GIPC2: variants seen among roughly 807,000 people sequenced by gnomAD.
GIPC2 encodes PDZ domain-containing protein GIPC2.
A neutral mutation model predicts 30.6 loss-of-function variants in GIPC2; 30 were observed. That is an observed-to-expected ratio of 0.98 (90% CI 0.73 to 1.33). The LOEUF (loss-of-function observed/expected upper bound fraction) is 1.33. Ranked by LOEUF, GIPC2 falls within the 40% of genes most tolerant of loss-of-function variation. GIPC2 has a pLI of 0.00. For missense variants in GIPC2, 414 were observed against 390.3 expected (o/e 1.06, Z -0.51); for synonymous variants, 167 against 150.0 (o/e 1.11, Z -0.83).
At chr1:78,074,470 A>G (rs553643413) in intron 1 of GIPC2, among the ~76,000 whole-genome samples, 1 of 152,288 alleles carries the variant, frequency 6.6e-6, no homozygotes, top group Admixed American at 6.5e-5. Context: ...CGATCCTCCC[A>G]CTTCAGCCTC....
chr1:78,118,247 C>CAAAAAAAAA (rs71810685), intron 3 of GIPC2, among the ~76,000 whole-genome samples: 1 of 34,238 alleles, frequency 2.9e-5, no homozygotes, highest in African/African-American at 1.1e-4. Context: ...AGTTTCATTG[C>CAAAAAAAAA]AAAAAAAAAA....
chr1:78,066,299 GA>G (rs1661510253), intron 1 of GIPC2, among the ~76,000 whole-genome samples: 1 of 152,116 alleles, frequency 6.6e-6, no homozygotes, highest in African/African-American at 2.4e-5. Context: ...TAACATCACT[GA>G]TCATTAGAAA....
At chr1:78,095,460 A>G (rs1662121079) in intron 3 of GIPC2, among the ~76,000 whole-genome samples, 1 of 152,176 alleles carries the variant, frequency 6.6e-6, no homozygotes, top group Non-Finnish European at 1.5e-5. Context: ...GAGCAGTAAG[A>G]TTTTTGACTG....
Position 78,134,197 on chromosome 1 carries a change from G to GAT in GIPC2, c.797-1384_797-1383dup, listed in dbSNP as rs1335772319. ...GTATTTTTATAACACCTCAATTGGA[G>GAT]ATATATATATATTTCCAGTGATATC... is the stretch of plus-strand genomic sequence containing the variant. On this transcript the variant is annotated intron_variant, in intron 5 of 5. Coordinates refer to ENST00000370759, the MANE Select transcript of GIPC2 (RefSeq NM_017655.6). Among the ~76,000 whole-genome samples, 11 of 152,058 alleles carry GAT rather than the reference G, an allele frequency of 7.2e-5. No homozygotes were observed. The East Asian group carries it at 1.4e-3, about 19-fold the overall frequency.
chr1:78,066,401 T>C (rs1661512544), intron 1 of GIPC2, among the ~76,000 whole-genome samples: 1 of 152,208 alleles, frequency 6.6e-6, no homozygotes, highest in Non-Finnish European at 1.5e-5. Flanking sequence ...CTGGTAAGAT[T>C]GCAGAGAAAA....
intron 4 of GIPC2, among the ~76,000 whole-genome samples, chr1:78,125,362 AT>A (rs1466102102): frequency 1.3e-5 from 2 of 151,818 alleles, no homozygotes; most frequent in Non-Finnish European, 1.5e-5. Context: ...TAATTAATTA[AT>A]TTTTTTTGTA....
intron 3 of GIPC2, among the ~76,000 whole-genome samples, chr1:78,111,954 C>T (rs761551225): frequency 2.0e-5 from 3 of 152,068 alleles, no homozygotes; most frequent in Non-Finnish European, 4.4e-5. Flanking sequence ...ATAAGTAATC[C>T]CAGTAGATAT....
At chr1:78,118,963 CT>C (rs978938800) in intron 3 of GIPC2, among the ~76,000 whole-genome samples, 12 of 152,012 alleles carry the variant, frequency 7.9e-5, no homozygotes, top group African/African-American at 2.2e-4. Flanking sequence ...TCTCTTCTCT[CT>C]TTTTTTTCCT....
In GIPC2 at chr1:78,080,986, A is replaced by G. The variant is rs547550331; in HGVS notation, c.426+126A>G. 2.4e-5 allele frequency: 12 copies of G among 494,904 alleles called. No individual in the cohort carries two copies. In the East Asian group the frequency reaches 4.0e-4, roughly 16 times the overall value. The allele number at this position is 494,904 out of a possible 1,614,324, so 30.7% of individuals were successfully genotyped here. ...GCTCAGCAAGGATGCATGAATTGGT[A>G]ATGTTTCACTTTCATTTTAAAAATG... is the stretch of plus-strand genomic sequence containing the variant. On this transcript the variant is annotated intron_variant, in intron 2 of 5. Transcript: ENST00000370759.
intron 5 of GIPC2, among the ~76,000 whole-genome samples, chr1:78,128,532 T>A (rs599293): frequency 6.6e-6 from 1 of 152,030 alleles, no homozygotes; most frequent in South Asian, 2.1e-4. Flanking sequence ...ATAAATCAAA[T>A]TTAGAATAGA....
intron 1 of GIPC2, among the ~76,000 whole-genome samples, chr1:78,075,740 T>C (rs772002471): frequency 2.6e-5 from 4 of 152,224 alleles, no homozygotes; most frequent in Non-Finnish European, 5.9e-5. Context: ...AAGCTGGCAT[T>C]GGGCCACATG....
intron 3 of GIPC2, among the ~76,000 whole-genome samples, chr1:78,099,197 C>T (rs1662194990): frequency 6.6e-6 from 1 of 151,954 alleles, no homozygotes; most frequent in Non-Finnish European, 1.5e-5. Context: ...TTGCCCTAGA[C>T]AATAATAGTT....
intron 2 of GIPC2, among the ~76,000 whole-genome samples, chr1:78,082,945 CAT>C (rs1357860023): frequency 2.4e-4 from 19 of 78,086 alleles, no homozygotes; most frequent in East Asian, 1.3e-3. Flanking sequence ...CATACACACA[CAT>C]ATATATATAT....
intron 3 of GIPC2, among the ~76,000 whole-genome samples, chr1:78,102,836 G>A (rs533847312): frequency 6.6e-6 from 1 of 152,158 alleles, no homozygotes; most frequent in Non-Finnish European, 1.5e-5. Flanking sequence ...TTAGAAACAA[G>A]ATAAACCCAC....
At chr1:78,046,368 T>C (rs1235272064) in intron 1 of GIPC2, 34 bp downstream of exon 1, 3 of 1,557,632 alleles carry the variant, frequency 1.9e-6, no homozygotes, top group Non-Finnish European at 2.6e-6. Flanking sequence ...CTCCCGCCTC[T>C]CCGCCGCGCC....
At chr1:78,051,702 G>T (rs1275938053) in intron 1 of GIPC2, among the ~76,000 whole-genome samples, 1 of 152,134 alleles carries the variant, frequency 6.6e-6, no homozygotes, top group Non-Finnish European at 1.5e-5. Context: ...GTTTTGCCAT[G>T]TTGGCCTGTC....
At chr1:78,105,026 C>A (rs1198865143) in intron 3 of GIPC2, among the ~76,000 whole-genome samples, 1 of 152,058 alleles carries the variant, frequency 6.6e-6, no homozygotes, top group Non-Finnish European at 1.5e-5. Flanking sequence ...ATCCAAGTTC[C>A]CTTTTGTGGA....
chr1:78,094,836 T>G (rs893929244), intron 2 of GIPC2, 116 bp from the exon 3 acceptor site: 12 of 629,270 alleles, frequency 1.9e-5, no homozygotes, highest in Non-Finnish European at 3.1e-5. Flanking sequence ...TCCCAGGCAG[T>G]CTCCCATCCA....
intron 1 of GIPC2, among the ~76,000 whole-genome samples, chr1:78,066,222 A>G (rs1253448316): frequency 1.3e-5 from 2 of 152,218 alleles, no homozygotes; most frequent in African/African-American, 2.4e-5. Context: ...AAAGTGGGCA[A>G]AGAACATGAA....
Sources: allele counts gnomAD v4.1 joint callset (sites outside exome capture counted in the v4.1 genomes callset), GRCh38; gene constraint gnomAD v4.1.1; transcripts MANE v1.5; gene names NCBI Gene and HGNC (gene_info 2026-07-23, HGNC 2026-07-21).